The following YAP1 variants were observed in gnomAD, a reference collection of about 807,000 sequenced individuals.
YAP1 encodes transcriptional coactivator YAP1.
YAP1 carries 5 observed loss-of-function variants against 56.9 expected under a neutral mutation model. That is an observed-to-expected ratio of 0.09 (90% CI 0.05 to 0.18). YAP1 has a LOEUF of 0.18. Ranked by LOEUF, YAP1 falls within the 10% of genes least tolerant of loss-of-function variation. YAP1 has a pLI of 1.00. For synonymous variants in YAP1, 265 were observed against 248.1 expected (o/e 1.07, Z -0.64); for missense variants, 539 against 651.8 (o/e 0.83, Z 1.88).
Position 102,110,896 on chromosome 11 carries a change from A to C in YAP1, c.48A>C (p.Gln16His), listed in dbSNP as rs1353903423. The C allele has an allele frequency of 2.1e-6, 3 of 1,433,262 alleles. No homozygotes were observed. Among genetic ancestry groups the C allele is most frequent in the South Asian group, 2.8e-5 (2 of 71,012 alleles). The allele number at this position is 1,433,262 out of a possible 1,614,324, so 88.8% of individuals were successfully genotyped here. ...CGCCTCAACCGGCCCCCCAGGGCCAAGGGCAGCCGCCTTCGCAGCCCCCGC... is the reference window on the plus strand; with the variant it reads ...CGCCTCAACCGGCCCCCCAGGGCCACGGGCAGCCGCCTTCGCAGCCCCCGC... Reference protein sequence around the residue: ...QPPPQPAPQGQGQPPSQPPQG... With the variant: ...QPPPQPAPQGHGQPPSQPPQG... The change falls in exon 1 of 9, where the codon CAA (glutamine) becomes CAC (histidine). Residue 16 changes from glutamine to histidine, a missense_variant. By Grantham distance (24) the Gln-to-His change is conservative. This residue lies in a region of YAP1 where 106 missense variants were observed against 86.6 expected (regional missense o/e 1.22). Coordinates refer to ENST00000282441, the MANE Select transcript of YAP1 (RefSeq NM_001130145.3).
At chr11:102,182,330 A>G (rs1227669727) in intron 3 of YAP1, among the ~76,000 whole-genome samples, 1 of 152,220 alleles carries the variant, frequency 6.6e-6, no homozygotes, top group African/African-American at 2.4e-5. Context: ...TGATCGAGCC[A>G]CTGTGGTCTC....
chr11:102,219,698 G>C (rs1002132441), intron 6 of YAP1, among the ~76,000 whole-genome samples: 15 of 152,102 alleles, frequency 9.9e-5, no homozygotes, highest in Admixed American at 7.9e-4. Flanking sequence ...AGCAGGAAGA[G>C]GTGGCAAGAG....
At chr11:102,140,384 A>G (rs1214228859) in intron 2 of YAP1, among the ~76,000 whole-genome samples, 1 of 152,208 alleles carries the variant, frequency 6.6e-6, no homozygotes, top group African/African-American at 2.4e-5. Flanking sequence ...TAATATAATA[A>G]TCTAGGATAT....
intron 3 of YAP1, among the ~76,000 whole-genome samples, chr11:102,166,780 CT>C (rs1219684228): frequency 1.3e-5 from 2 of 151,848 alleles, no homozygotes; most frequent in Non-Finnish European, 2.9e-5. Context: ...CCTCGCTTTG[CT>C]TTTTTTTGAA....
intron 2 of YAP1, among the ~76,000 whole-genome samples, chr11:102,139,246 A>G (rs1182643083): frequency 1.3e-5 from 2 of 151,844 alleles, no homozygotes; most frequent in South Asian, 2.1e-4. Flanking sequence ...AAAAAAGTCC[A>G]TGGTGACTCC....
At chr11:102,181,582 A>G (rs1319664922) in intron 3 of YAP1, among the ~76,000 whole-genome samples, 1 of 152,168 alleles carries the variant, frequency 6.6e-6, no homozygotes, top group Non-Finnish European at 1.5e-5. Flanking sequence ...GGAGACGGAG[A>G]AAGACTCTCT....
intron 2 of YAP1, among the ~76,000 whole-genome samples, chr11:102,133,369 C>T (rs190751160): frequency 1.1e-4 from 16 of 152,226 alleles, no homozygotes; most frequent in Admixed American, 1.0e-3. Flanking sequence ...GATGTCAGCT[C>T]ACTGCAGCCT....
At chr11:102,188,160 CA>C (rs1948082736) in intron 4 of YAP1, among the ~76,000 whole-genome samples, 1 of 152,158 alleles carries the variant, frequency 6.6e-6, no homozygotes, top group African/African-American at 2.4e-5. Flanking sequence ...TTATCTCTGC[CA>C]AAGAAATATA....
chr11:102,197,649 A>G (rs1035993295), intron 4 of YAP1, among the ~76,000 whole-genome samples: 9 of 152,192 alleles, frequency 5.9e-5, no homozygotes, highest in African/African-American at 2.2e-4. Flanking sequence ...AACAGTTACT[A>G]TTTCGTAGTG....
intron 3 of YAP1, among the ~76,000 whole-genome samples, chr11:102,165,606 C>T (rs1278012449): frequency 2.0e-5 from 3 of 151,960 alleles, no homozygotes; most frequent in Non-Finnish European, 2.9e-5. Flanking sequence ...GAAAAGCCAC[C>T]TCTGAAGAGG....
At chr11:102,215,479 T>C (rs1009896756) in intron 6 of YAP1, among the ~76,000 whole-genome samples, 1 of 152,184 alleles carries the variant, frequency 6.6e-6, no homozygotes, top group Non-Finnish European at 1.5e-5. Context: ...AATTCTTATG[T>C]TATTTTATTT....
chr11:102,167,376 A>G (rs1431380044), intron 3 of YAP1, among the ~76,000 whole-genome samples: 3 of 152,230 alleles, frequency 2.0e-5, no homozygotes, highest in Admixed American at 6.5e-5. Flanking sequence ...AAAATATTCA[A>G]TGTATAAATA....
chr11:102,169,621 T>A (rs191433920), intron 3 of YAP1, among the ~76,000 whole-genome samples: 1 of 152,230 alleles, frequency 6.6e-6, no homozygotes, highest in Non-Finnish European at 1.5e-5. Flanking sequence ...TTTTAAAAAC[T>A]TTTAAAATAA....
intron 3 of YAP1, among the ~76,000 whole-genome samples, chr11:102,173,124 T>G (rs555649643): frequency 3.1e-4 from 47 of 152,104 alleles, no homozygotes; most frequent in African/African-American, 1.1e-3. Flanking sequence ...GTGATGAAAG[T>G]GATTGGGTTG....
intron 2 of YAP1, among the ~76,000 whole-genome samples, chr11:102,131,700 C>T (rs953642057): frequency 6.6e-6 from 1 of 152,022 alleles, no homozygotes; most frequent in African/African-American, 2.4e-5. Context: ...ATTACATATG[C>T]GAACTAGAGT....
At chr11:102,209,028 C>G (rs1233508541) in intron 5 of YAP1, among the ~76,000 whole-genome samples, 3 of 152,180 alleles carry the variant, frequency 2.0e-5, no homozygotes, top group Non-Finnish European at 4.4e-5. Flanking sequence ...TTTGTTTCAT[C>G]TTTACTGCCT....
intron 2 of YAP1, among the ~76,000 whole-genome samples, chr11:102,158,380 C>T (rs571102307): frequency 1.3e-5 from 2 of 152,192 alleles, no homozygotes; most frequent in Admixed American, 6.5e-5. Context: ...AGGCATATGT[C>T]GTTCTTAAAA....
intron 6 of YAP1, among the ~76,000 whole-genome samples, chr11:102,220,117 C>T (rs980250000): frequency 6.6e-6 from 1 of 151,798 alleles, no homozygotes; most frequent in African/African-American, 2.4e-5. Flanking sequence ...GCCTGTAATC[C>T]TAACACTTTG....
At chr11:102,197,521 A>G (rs921746366) in intron 4 of YAP1, among the ~76,000 whole-genome samples, 1 of 152,046 alleles carries the variant, frequency 6.6e-6, no homozygotes, top group Non-Finnish European at 1.5e-5. Flanking sequence ...AAAAAAACCT[A>G]TGGTGATGAC....
Sources: allele counts gnomAD v4.1 joint callset (sites outside exome capture counted in the v4.1 genomes callset), GRCh38; gene constraint gnomAD v4.1.1; regional missense constraint gnomAD v4.1.1; transcripts MANE v1.5; gene names NCBI Gene and HGNC (gene_info 2026-07-23, HGNC 2026-07-21).